GLE1: variants seen among roughly 807,000 people sequenced by gnomAD.
GLE1 encodes the protein mRNA export factor GLE1.
In GLE1, 78 loss-of-function variants were observed where a neutral mutation model predicts 97.3. That is an observed-to-expected ratio of 0.80 (90% CI 0.67 to 0.97). The LOEUF is 0.97. Among genes scored for constraint, GLE1 ranks in the 50% least tolerant of loss-of-function variants. The pLI, the probability that GLE1 is intolerant of heterozygous loss-of-function variation, is 0.00. For missense variants in GLE1, 753 were observed against 857.5 expected (o/e 0.88, Z 1.52); for synonymous variants, 302 against 313.4 (o/e 0.96, Z 0.39).
rs1463531527 is a variant in GLE1, at chr9:128,526,513, C to T, written c.1130-666C>T. ...CTGAGATTACAGGCATGCACCACCA[C>T]ACCTGGCTAATTTTTTTGTATTTTT... is the stretch of plus-strand genomic sequence containing the variant. On this transcript the variant is annotated intron_variant, in intron 7 of 15. Transcript: ENST00000309971. Among the ~76,000 whole-genome samples, 12 of 152,138 alleles carry T rather than the reference C, an allele frequency of 7.9e-5. No individual in the cohort carries two copies. The South Asian group carries it at 1.9e-3, about 24-fold the overall frequency.
intron 9 of GLE1, chr9:128,528,847 C>T (rs1847390846): frequency 6.6e-6 from 1 of 152,184 alleles, no homozygotes; most frequent in Non-Finnish European, 1.5e-5. Flanking sequence ...AAGGAAGAAA[C>T]TTCTTTAGAA....
chr9:128,523,206 G>A, intron 4 of GLE1, 74 bp from the exon 5 acceptor site: 1 of 1,081,022 alleles, frequency 9.3e-7, no homozygotes, highest in Admixed American at 1.7e-5. Context: ...GCAGGGAGAG[G>A]GAGAGAAAAG....
At chr9:128,535,947 G>A (rs978972597) in intron 11 of GLE1, among the ~76,000 whole-genome samples, 2 of 102,236 alleles carry the variant, frequency 2.0e-5, no homozygotes, top group Admixed American at 2.3e-4. Context: ...CTGTACTCCA[G>A]CCTGGGTGAC....
At chr9:128,513,577 G>C (rs1166734721) in intron 2 of GLE1, among the ~76,000 whole-genome samples, 1 of 151,978 alleles carries the variant, frequency 6.6e-6, no homozygotes, top group African/African-American at 2.4e-5. Flanking sequence ...GAACATGATG[G>C]CTCATGCCTA....
chr9:128,511,726 G>A (rs1846830079), intron 2 of GLE1, among the ~76,000 whole-genome samples: 1 of 151,234 alleles, frequency 6.6e-6, no homozygotes. Flanking sequence ...AAAAATTAAC[G>A]TGATCATGGA....
At position 128,526,672 on chromosome 9, in the gene GLE1, G is replaced by GT. The variant is rs111552917; in HGVS notation, c.1130-497dup. ...CTGCGCCCAGCGTTTTTTGTTTTTT[G>GT]TTTTTTTTTTGAGATAGGAGTCTCA... On this transcript the variant is annotated intron_variant, in intron 7 of 15. Transcript: ENST00000309971. Among the ~76,000 whole-genome samples, 803 of 145,580 alleles carry GT rather than the reference G, an allele frequency of 5.5e-3. 9 individuals carry two copies. The highest frequency in any genetic ancestry group is 0.017 in the African/African-American group (663 of 39,980).
chr9:128,527,912 C>T (rs1448374796), intron 9 of GLE1, among the ~76,000 whole-genome samples: 1 of 150,212 alleles, frequency 6.7e-6, no homozygotes, highest in Non-Finnish European at 1.5e-5. Flanking sequence ...TGCAGTGAGC[C>T]GAGATCACAC....
intron 1 of GLE1, 69 bp from the exon 2 acceptor site, chr9:128,508,807 A>G (rs1054727057): frequency 2.3e-6 from 2 of 880,330 alleles, no homozygotes; most frequent in Non-Finnish European, 3.9e-6. Context: ...ATGTTCAGTA[A>G]GGCATGTAGT....
intron 9 of GLE1, among the ~76,000 whole-genome samples, chr9:128,531,598 G>A (rs1240051593): frequency 2.0e-5 from 3 of 151,318 alleles, no homozygotes; most frequent in Non-Finnish European, 4.4e-5. Flanking sequence ...TTGAGAGGAT[G>A]AGGCAGACAG....
At chr9:128,523,517 C>T (rs924354869) in intron 5 of GLE1, 75 bp from the exon 6 acceptor site, 9 of 1,566,348 alleles carry the variant, frequency 5.7e-6, no homozygotes, top group Admixed American at 1.7e-5. Flanking sequence ...ATGTAGCCCA[C>T]GTAGAATTTG....
In GLE1 at chr9:128,515,577, C is replaced by A; in HGVS notation, c.370C>A (p.Arg124=). 6.2e-7 allele frequency: 1 copy of A among 1,608,754 alleles called. No individual in the cohort carries two copies. Among genetic ancestry groups the A allele is most frequent in the Non-Finnish European group, 8.5e-7 (1 of 1,175,192 alleles). The change falls in exon 3 of 16, where the codon CGG becomes AGG. Residue 124 remains arginine (R), a synonymous_variant. Coordinates refer to ENST00000309971, the MANE Select transcript of GLE1 (RefSeq NM_001003722.2). The part of the protein sequence containing the change: ...HTESMVLQSS[R]GIKVEGCVRM... ...AGAATCTATGGTACTTCAGTCCTCA[C>A]GGGGGATCAAAGTGGAAGGCTGCGT...
At chr9:128,515,292 G>C (rs1846949339) in intron 2 of GLE1, among the ~76,000 whole-genome samples, 1 of 151,984 alleles carries the variant, frequency 6.6e-6, no homozygotes, top group South Asian at 2.1e-4. Flanking sequence ...AAAAAACATA[G>C]AAAAACCCAA....
chr9:128,505,966 TTTA>T (rs1283816607), intron 1 of GLE1, among the ~76,000 whole-genome samples: 15 of 152,230 alleles, frequency 9.9e-5, no homozygotes. Flanking sequence ...TGCTTTCTAT[TTTA>T]TTCAGTGAGT....
At chr9:128,528,379 C>T (rs1233600927) in intron 9 of GLE1, among the ~76,000 whole-genome samples, 1 of 150,584 alleles carries the variant, frequency 6.6e-6, no homozygotes, top group Non-Finnish European at 1.5e-5. Flanking sequence ...TCTCGGCTCA[C>T]TGCAAGCTCT....
chr9:128,513,600 C>T (rs1178171191), intron 2 of GLE1, among the ~76,000 whole-genome samples: 1 of 151,666 alleles, frequency 6.6e-6, no homozygotes, highest in Middle Eastern at 3.2e-3. Context: ...GTCCCAGCTA[C>T]TCAGAAGGCT....
At chr9:128,507,864 G>A (rs1406284286) in intron 1 of GLE1, among the ~76,000 whole-genome samples, 1 of 150,822 alleles carries the variant, frequency 6.6e-6, no homozygotes, top group African/African-American at 2.4e-5. Context: ...CTCCAGCCTG[G>A]GTGACAGAGC....
At chr9:128,506,336 CTG>C (rs940495884) in intron 1 of GLE1, among the ~76,000 whole-genome samples, 9 of 151,624 alleles carry the variant, frequency 5.9e-5, no homozygotes, top group African/African-American at 2.2e-4. Flanking sequence ...CAGAGTGAGA[CTG>C]TGTCTCAAAA....
intron 6 of GLE1, among the ~76,000 whole-genome samples, chr9:128,524,123 A>G (rs1589056821): frequency 1.8e-5 from 2 of 108,752 alleles, no homozygotes; most frequent in South Asian, 6.6e-4. Flanking sequence ...TTTGTCACCC[A>G]GGCTGGAGTG....
Position 128,541,107 on chromosome 9 carries a change from T to C in GLE1, c.2034T>C (p.Cys678=). Residue 678 remains cysteine (C), a synonymous_variant, in exon 16 of 16, where the codon TGT becomes TGC. Transcript: ENST00000309971. ...FIRLKQFLEK[C]LQHKDIPVPK... is the part of the protein sequence containing the mutation. Reference sequence around the variant, plus strand: ...CTTCATCTTTCCCTGACCAGAAATGTTTGCAACACAAGGACATTCCTGTCC... The same window carrying C: ...CTTCATCTTTCCCTGACCAGAAATGCTTGCAACACAAGGACATTCCTGTCC... The C allele has an allele frequency of 6.4e-7, 1 of 1,564,102 alleles. No individual in the cohort carries two copies. Among genetic ancestry groups the C allele is most frequent in the Non-Finnish European group, 8.8e-7 (1 of 1,134,392 alleles).
Sources: allele counts gnomAD v4.1 joint callset (sites outside exome capture counted in the v4.1 genomes callset), GRCh38; gene constraint gnomAD v4.1.1; transcripts MANE v1.5; gene names NCBI Gene and HGNC (gene_info 2026-07-23, HGNC 2026-07-21).